Variants in TRIO observed in about 807,000 individuals in gnomAD.
TRIO encodes triple functional domain protein.
A neutral mutation model predicts 351.9 loss-of-function variants in TRIO; 58 were observed. The observed-to-expected ratio is 0.16, with a 90% CI of 0.13 to 0.21. TRIO has a LOEUF of 0.21. TRIO is among the 10% of genes least tolerant of loss of function. The probability of loss-of-function intolerance (pLI) is 1.00; values close to 1 mark genes in which losing one functional copy is unlikely to be tolerated. For missense variants in TRIO, 3,201 were observed against 4,027.8 expected (o/e 0.79, Z 5.56); for synonymous variants, 1,758 against 1,595.7 (o/e 1.10, Z -2.42).
intron 41 of TRIO, chr5:14,477,171 A>C (rs944134878): frequency 3.7e-6 from 2 of 533,926 alleles, no homozygotes; most frequent in Middle Eastern, 5.0e-4. Flanking sequence ...GAAGCTGGCT[A>C]TTTGGCTAGC....
chr5:14,158,358 G>C (rs1788239916), intron 1 of TRIO, among the ~76,000 whole-genome samples: 1 of 151,912 alleles, frequency 6.6e-6, no homozygotes. Flanking sequence ...CCGGGAGGCA[G>C]AGGGTGCAGT....
chr5:14,257,003 C>G (rs1322003840), intron 1 of TRIO, among the ~76,000 whole-genome samples: 1 of 152,198 alleles, frequency 6.6e-6, no homozygotes, highest in Non-Finnish European at 1.5e-5. Context: ...AGTCACTGTT[C>G]CCTGTGGTGT....
chr5:14,409,668 A>G (rs998334635), intron 33 of TRIO, among the ~76,000 whole-genome samples: 8 of 151,916 alleles, frequency 5.3e-5, no homozygotes, highest in African/African-American at 1.9e-4. Context: ...CCCCGTCTCT[A>G]CTAAAAATGT....
Position 14,389,360 on chromosome 5 carries a change from C to T in TRIO, c.4020C>T (p.Ile1340=), listed in dbSNP as rs7715916. 0.06 allele frequency: 95,990 copies of T among 1,610,400 alleles called. 4,377 individuals carry two copies. The highest frequency in any genetic ancestry group is 0.24 in the African/African-American group (17,661 of 74,520). The change falls in exon 25 of 57, where the codon ATC becomes ATT. Residue 1340 remains isoleucine (I), a synonymous_variant. Coordinates refer to ENST00000344204, the MANE Select transcript of TRIO (RefSeq NM_007118.4). ...PPGIVNKELI[I]FGNMQEIYEF... ...GCATTGTAAACAAAGAACTCATCAT[C>T]TTCGGAAACATGCAAGAAATCTACG...
At chr5:14,155,773 G>A (rs1184079465) in intron 1 of TRIO, among the ~76,000 whole-genome samples, 1 of 152,144 alleles carries the variant, frequency 6.6e-6, no homozygotes, top group Non-Finnish European at 1.5e-5. Context: ...TGATCACTTG[G>A]TTCAGGTGAT....
intron 1 of TRIO, among the ~76,000 whole-genome samples, chr5:14,200,929 A>T (rs1177388991): frequency 2.0e-5 from 3 of 152,148 alleles, no homozygotes; most frequent in African/African-American, 7.2e-5. Context: ...GATTTAGAAA[A>T]ATCATTTTTC....
At chr5:14,210,134 G>A (rs536531833) in intron 1 of TRIO, among the ~76,000 whole-genome samples, 6 of 152,330 alleles carry the variant, frequency 3.9e-5, no homozygotes, top group East Asian at 1.9e-4. Flanking sequence ...ATGGAGGAGC[G>A]GTCGGCCCCT....
chr5:14,271,158 G>A (rs947803611), intron 2 of TRIO, among the ~76,000 whole-genome samples: 1 of 152,180 alleles, frequency 6.6e-6, no homozygotes, highest in Non-Finnish European at 1.5e-5. Flanking sequence ...AAATTCAGCT[G>A]TTCTGCCCCA....
chr5:14,408,682 C>T (rs1748924984), intron 33 of TRIO, among the ~76,000 whole-genome samples: 2 of 151,848 alleles, frequency 1.3e-5, no homozygotes, highest in Non-Finnish European at 2.9e-5. Context: ...GGTGAATTTC[C>T]ATGAGGCTGC....
At position 14,160,227 on chromosome 5, in the gene TRIO, G is replaced by GT. The variant is rs2152120269; in HGVS notation, c.157+16346dup. On this transcript the variant is annotated intron_variant, in intron 1 of 56. Coordinates refer to ENST00000344204, the MANE Select transcript of TRIO (RefSeq NM_007118.4). ...GAGCAGGTTGGGGTTGGTCTGCTGGGTAGAATGCCTGCAAAGGGACCAGAG... is the reference window on the plus strand; with the variant it reads ...GAGCAGGTTGGGGTTGGTCTGCTGGGTTAGAATGCCTGCAAAGGGACCAGAG... 1.3e-5 allele frequency among the ~76,000 whole-genome samples: 2 copies of GT among 152,326 alleles called. 1 individual carries two copies. Among genetic ancestry groups the GT allele is most frequent in the South Asian group, 4.1e-4 (2 of 4,826 alleles).
intron 19 of TRIO, among the ~76,000 whole-genome samples, chr5:14,376,279 GA>G (rs1378991986): frequency 2.0e-5 from 3 of 152,276 alleles, no homozygotes; most frequent in Non-Finnish European, 4.4e-5. Context: ...TCAGTCTTGG[GA>G]ATTTTTTTCT....
chr5:14,338,310 T>C (rs1198292509), intron 11 of TRIO, among the ~76,000 whole-genome samples: 1 of 152,186 alleles, frequency 6.6e-6, no homozygotes, highest in Non-Finnish European at 1.5e-5. Context: ...CCTCACAACA[T>C]AGACCACGTT....
chr5:14,249,425 CA>C (rs1391571199), intron 1 of TRIO, among the ~76,000 whole-genome samples: 5 of 152,168 alleles, frequency 3.3e-5, no homozygotes, highest in African/African-American at 1.2e-4. Context: ...ATCATTACTT[CA>C]GCTTGAAAGA....
At chr5:14,335,510 C>G (rs1048126672) in intron 10 of TRIO, among the ~76,000 whole-genome samples, 4 of 152,236 alleles carry the variant, frequency 2.6e-5, no homozygotes, top group Non-Finnish European at 5.9e-5. Context: ...CCTGTAACAG[C>G]ATCAGGGCTC....
chr5:14,291,635 G>T (rs573968876), intron 5 of TRIO, among the ~76,000 whole-genome samples: 1 of 151,188 alleles, frequency 6.6e-6, no homozygotes, highest in Non-Finnish European at 1.5e-5. Flanking sequence ...CTAAAAATAC[G>T]AAAATTAGCC....
At chr5:14,232,224 G>A (rs1189424481) in intron 1 of TRIO, among the ~76,000 whole-genome samples, 2 of 152,160 alleles carry the variant, frequency 1.3e-5, no homozygotes, top group Non-Finnish European at 2.9e-5. Flanking sequence ...CCATATGGGG[G>A]CTTCTCCCGG....
chr5:14,497,426 A>T lies in TRIO; in HGVS notation c.8019+409A>T, dbSNP rs1016005927. Among the ~76,000 whole-genome samples the T allele has an allele frequency of 7.2e-5, 11 of 152,142 alleles. No individual in the cohort carries two copies. Among genetic ancestry groups the T allele is most frequent in the African/African-American group, 2.7e-4 (11 of 41,438 alleles). On this transcript the variant is annotated intron_variant, in intron 50 of 56. Transcript: ENST00000344204. The surrounding 1 kb of genome is among the most constrained non-coding windows in gnomAD (Gnocchi z 4.4). ...CATATGGGCTCTCTGGCTGTGACAG[A>T]TCCCCTTGGGGACAACTTCAGTCAG...
At chr5:14,353,828 G>A (rs1743364109) in intron 11 of TRIO, among the ~76,000 whole-genome samples, 1 of 152,354 alleles carries the variant, frequency 6.6e-6, no homozygotes, top group Admixed American at 6.5e-5. Flanking sequence ...TAGAAGCACA[G>A]CTATGTATCG....
At chr5:14,416,656 T>A (rs1749668757) in intron 33 of TRIO, among the ~76,000 whole-genome samples, 1 of 152,234 alleles carries the variant, frequency 6.6e-6, no homozygotes, top group African/African-American at 2.4e-5. Flanking sequence ...TCCAATAGTT[T>A]TTGATTACTC....
Sources: allele counts gnomAD v4.1 joint callset (sites outside exome capture counted in the v4.1 genomes callset), GRCh38; gene constraint gnomAD v4.1.1; non-coding constraint Gnocchi (gnomAD v3.1); transcripts MANE v1.5; gene names NCBI Gene and HGNC (gene_info 2026-07-23, HGNC 2026-07-21).